The following AVL9 variants were observed in gnomAD, a reference collection of about 807,000 sequenced individuals.
The protein encoded by AVL9 is AVL9 cell migration associated, also known as late secretory pathway protein AVL9 homolog.
Under a neutral mutation model 79.2 loss-of-function variants are expected in AVL9, and 49 were observed. The ratio of observed to expected loss-of-function variants is 0.62; its 90% CI spans 0.49 to 0.79. The LOEUF (loss-of-function observed/expected upper bound fraction) is 0.79. Ranked by LOEUF, AVL9 falls within the 30% of genes least tolerant of loss-of-function variation. The pLI, the probability that AVL9 is intolerant of heterozygous loss-of-function variation, is 0.00. For missense variants in AVL9, 682 were observed against 776.8 expected, an observed-to-expected ratio of 0.88 and a Z score of 1.45; for synonymous variants, 299 against 280.6, an observed-to-expected ratio of 1.07 and a Z score of -0.65.
In AVL9 at chr7:32,552,231, G is replaced by A. The variant is rs1319597481; in HGVS notation, c.465G>A (p.Glu155=). 9 of 1,576,368 alleles carry A rather than the reference G, an allele frequency of 5.7e-6. No individual in the cohort carries two copies. Among genetic ancestry groups the A allele is most frequent in the South Asian group, 1.1e-5 (1 of 89,784 alleles). ...KDFSQISILK[E]LYEHMNSSLG... is the part of the protein sequence containing the mutation. ...TAAATTCAATCTATATTTTATAGGA[G>A]CTTTATGAACATATGAATAGTTCCT... is the stretch of plus-strand genomic sequence containing the variant. Residue 155 remains glutamate (E), a splice_region_variant and synonymous_variant, in exon 6 of 16, where the codon GAG becomes GAA. Transcript: ENST00000318709.
intron 4 of AVL9, among the ~76,000 whole-genome samples, chr7:32,550,662 T>C (rs1319208387): frequency 6.6e-6 from 1 of 151,926 alleles, no homozygotes; most frequent in East Asian, 1.9e-4. Context: ...ACATTACAAA[T>C]AAAAAGATGA....
chr7:32,522,119 G>A (rs1211526674), intron 1 of AVL9, among the ~76,000 whole-genome samples: 4 of 152,238 alleles, frequency 2.6e-5, no homozygotes, highest in African/African-American at 9.6e-5. Flanking sequence ...CTAGGGCAGT[G>A]TGGAAGGGAA....
At chr7:32,578,405 T>C (rs929066480) in intron 13 of AVL9, among the ~76,000 whole-genome samples, 31 of 152,362 alleles carry the variant, frequency 2.0e-4, no homozygotes, top group African/African-American at 7.2e-4. Context: ...TTCTTGCATT[T>C]CCAGCCTTTC....
At chr7:32,522,707 G>C (rs190646968) in intron 1 of AVL9, among the ~76,000 whole-genome samples, 1 of 152,166 alleles carries the variant, frequency 6.6e-6, no homozygotes, top group Non-Finnish European at 1.5e-5. Flanking sequence ...GGGAGGACAT[G>C]AAATTTGGAG....
chr7:32,517,807 G>A (rs1024452320), intron 1 of AVL9, among the ~76,000 whole-genome samples: 4 of 81,984 alleles, frequency 4.9e-5, no homozygotes, highest in Non-Finnish European at 7.5e-5. Flanking sequence ...ATCTTTGCTT[G>A]TGTGTTTTTT....
chr7:32,569,993 A>C (rs1386509710), intron 10 of AVL9, 27 bp from the exon 11 acceptor site: 2 of 1,610,480 alleles, frequency 1.2e-6, no homozygotes, highest in Non-Finnish European at 1.7e-6. Context: ...CTTTTCTGAT[A>C]TTTTCTATTA....
At chr7:32,500,835 T>C (rs970347651) in intron 1 of AVL9, among the ~76,000 whole-genome samples, 3 of 152,182 alleles carry the variant, frequency 2.0e-5, no homozygotes, top group African/African-American at 7.2e-5. Flanking sequence ...GGCTTGCCTG[T>C]TTTCCCAGCA....
intron 1 of AVL9, among the ~76,000 whole-genome samples, chr7:32,520,842 C>G (rs1003073197): frequency 6.6e-6 from 1 of 152,118 alleles, no homozygotes. Flanking sequence ...CCACCCAAAT[C>G]TCAACTTGAA....
chr7:32,579,542 ATTATATATT>A (rs1791362784), intron 13 of AVL9, among the ~76,000 whole-genome samples: 1 of 5,302 alleles, frequency 1.9e-4, no homozygotes. Context: ...TATATTATAT[ATTATATATT>A]ATATATTATA....
chr7:32,578,529 C>T (rs1448133116), intron 13 of AVL9, among the ~76,000 whole-genome samples: 1 of 152,112 alleles, frequency 6.6e-6, no homozygotes, highest in East Asian at 1.9e-4. Flanking sequence ...CAAATGTGGC[C>T]AGGCCTGGTG....
At chr7:32,554,619 G>T (rs1033251785) in intron 8 of AVL9, 23 bp downstream of exon 8, 8 of 1,412,328 alleles carry the variant, frequency 5.7e-6, no homozygotes, top group African/African-American at 1.5e-5. Context: ...GGGATGAAAG[G>T]AAAGATGGAG....
intron 10 of AVL9, among the ~76,000 whole-genome samples, chr7:32,567,858 C>T (rs1238255467): frequency 6.6e-6 from 1 of 151,792 alleles, no homozygotes; most frequent in Non-Finnish European, 1.5e-5. Context: ...GTTGGGATTA[C>T]AGGCACTCGC....
At chr7:32,519,208 C>T (rs1198488915) in intron 1 of AVL9, among the ~76,000 whole-genome samples, 1 of 152,136 alleles carries the variant, frequency 6.6e-6, no homozygotes, top group Non-Finnish European at 1.5e-5. Context: ...GCGGGTGGAT[C>T]ATGAGGTCAA....
intron 1 of AVL9, among the ~76,000 whole-genome samples, chr7:32,525,640 G>A (rs4573152): frequency 0.33 from 50,716 of 151,990 alleles, 8,708 homozygotes; most frequent in South Asian, 0.44. Context: ...GTAATCTCTA[G>A]AGAGTATCAG....
chr7:32,586,466 C>CCG lies in AVL9; in HGVS notation c.*2560_*2561insGC, dbSNP rs1554350159. 2.2e-5 allele frequency: 1 copy of CCG among 46,136 alleles called. No homozygotes were observed. The allele number at this position is 46,136 out of a possible 1,614,324, so 2.9% of individuals were successfully genotyped here. A position where few individuals can be genotyped will look rare whatever the true frequency, so the allele number is the denominator to read the frequency against. On this transcript the variant is annotated 3_prime_UTR_variant, in exon 16 of 16. Coordinates refer to ENST00000318709, the MANE Select transcript of AVL9 (RefSeq NM_015060.3). Reference sequence around the variant, plus strand: ...GCCTCACCCCTGGTCCTGTGACCCCCCCCCCCCACACACACACATACTTCA... The same window carrying CCG: ...GCCTCACCCCTGGTCCTGTGACCCCCCGCCCCCCCACACACACACATACTTCA...
At chr7:32,546,697 C>T (rs1411303530) in intron 3 of AVL9, among the ~76,000 whole-genome samples, 2 of 152,022 alleles carry the variant, frequency 1.3e-5, no homozygotes, top group East Asian at 3.9e-4. Context: ...GCAGCGCACG[C>T]CTGTAGTCCC....
intron 8 of AVL9, among the ~76,000 whole-genome samples, chr7:32,557,853 CTT>C (rs3079799): frequency 1.2e-4 from 9 of 73,270 alleles, no homozygotes; most frequent in Non-Finnish European, 2.5e-4. Flanking sequence ...AGCTGTTACT[CTT>C]TTTTTTTTTT....
chr7:32,523,736 CTTTT>C (rs57458179), intron 1 of AVL9, among the ~76,000 whole-genome samples: 1 of 125,506 alleles, frequency 8.0e-6, no homozygotes, highest in African/African-American at 3.0e-5. Flanking sequence ...CTTTTCTTTT[CTTTT>C]TTTTTTTTTT....
At position 32,495,793 on chromosome 7, in the gene AVL9, G is replaced by A; in HGVS notation, c.84G>A (p.Lys28=). ...TGGTGGTCGGATTTCACCACAAGAA[G>A]GGCTGCCAGGTGAGGAAAGGGCCCG... ...HIVVVGFHHK[K]GCQVEFSYPP... The change falls in exon 1 of 16, where the codon AAG becomes AAA. Residue 28 remains lysine (K), a synonymous_variant. Transcript: ENST00000318709. 7.9e-7 allele frequency: 1 copy of A among 1,258,180 alleles called. No homozygotes were observed. Among genetic ancestry groups the A allele is most frequent in the South Asian group, 3.5e-5 (1 of 28,630 alleles). 77.9% of individuals were successfully genotyped at this position (1,258,180 alleles called of 1,614,324 possible).
Sources: allele counts gnomAD v4.1 joint callset (sites outside exome capture counted in the v4.1 genomes callset), GRCh38; gene constraint gnomAD v4.1.1; transcripts MANE v1.5; gene names NCBI Gene and HGNC (gene_info 2026-07-23, HGNC 2026-07-21).